The following EXOC6B variants were observed in gnomAD, a reference collection of about 807,000 sequenced individuals.
EXOC6B encodes SEC15 homolog B.
In EXOC6B, 54 loss-of-function variants were observed where a neutral mutation model predicts 113.5. The observed-to-expected ratio is 0.48, with a 90% CI of 0.38 to 0.60. The LOEUF is 0.60. EXOC6B is among the 20% of genes least tolerant of loss of function. EXOC6B has a pLI of 0.00. For missense variants in EXOC6B, 797 were observed against 977.5 expected (o/e 0.82, Z 2.46); for synonymous variants, 357 against 339.0 (o/e 1.05, Z -0.58).
At chr2:72,247,542 G>A (rs369458064) in intron 20 of EXOC6B, among the ~76,000 whole-genome samples, 91 of 152,302 alleles carry the variant, frequency 6.0e-4, no homozygotes, top group African/African-American at 2.0e-3. Context: ...AATATACTGT[G>A]ATGAACTGAT....
intron 6 of EXOC6B, among the ~76,000 whole-genome samples, chr2:72,610,760 C>A (rs1466710583): frequency 6.6e-6 from 1 of 152,034 alleles, no homozygotes; most frequent in African/African-American, 2.4e-5. Context: ...AAATTTAATA[C>A]CCTCCACCAC....
At chr2:72,426,983 G>A (rs766846051) in intron 18 of EXOC6B, among the ~76,000 whole-genome samples, 84 of 152,334 alleles carry the variant, frequency 5.5e-4, no homozygotes, top group Non-Finnish European at 1.1e-3. Context: ...GACGGGATGG[G>A]CTCCCAGGCC....
chr2:72,429,483 T>C (rs1558658477), intron 18 of EXOC6B, among the ~76,000 whole-genome samples: 1 of 152,218 alleles, frequency 6.6e-6, no homozygotes, highest in Non-Finnish European at 1.5e-5. Context: ...AGGTAAGACA[T>C]TAATGATAAT....
chr2:72,744,588 C>T (rs1681572321), intron 1 of EXOC6B, among the ~76,000 whole-genome samples: 2 of 152,038 alleles, frequency 1.3e-5, no homozygotes, highest in Non-Finnish European at 2.9e-5. Flanking sequence ...GAAGAATCAC[C>T]GAAAACTCCT....
intron 1 of EXOC6B, among the ~76,000 whole-genome samples, chr2:72,776,511 T>C (rs1405743233): frequency 3.3e-5 from 5 of 151,784 alleles, no homozygotes; most frequent in Non-Finnish European, 7.4e-5. Flanking sequence ...CAGCTACTCA[T>C]GAGGCTGAGA....
At chr2:72,282,437 T>G (rs746893692) in intron 20 of EXOC6B, among the ~76,000 whole-genome samples, 1 of 148,630 alleles carries the variant, frequency 6.7e-6, no homozygotes, top group Non-Finnish European at 1.5e-5. Flanking sequence ...AACAGGCTAA[T>G]AGAAAATAAA....
intron 21 of EXOC6B, 149 bp from the exon 22 acceptor site, chr2:72,179,610 A>C: frequency 1.1e-6 from 1 of 911,072 alleles, no homozygotes; most frequent in Non-Finnish European, 1.7e-6. Flanking sequence ...GCCCACACTC[A>C]CCTACTCATC....
intron 20 of EXOC6B, among the ~76,000 whole-genome samples, chr2:72,249,684 G>T (rs760437243): frequency 2.6e-5 from 4 of 152,020 alleles, no homozygotes; most frequent in Non-Finnish European, 5.9e-5. Flanking sequence ...AAGTCATATG[G>T]GTTGTTTATT....
Position 72,177,893 on chromosome 2 carries a change from G to C in EXOC6B, c.*1442C>G, listed in dbSNP as rs139135691. The stretch of plus-strand genomic sequence containing the variant: ...TACTCTTGCCACTAGCCATCTTTCT[G>C]CTACTAGCCAGTAGCATCTTTCTGA... On this transcript the variant is annotated 3_prime_UTR_variant, in exon 22 of 22. Coordinates refer to ENST00000272427, the MANE Select transcript of EXOC6B (RefSeq NM_015189.3). 9.9e-5 allele frequency: 15 copies of C among 152,276 alleles called. No individual in the cohort carries two copies. Among genetic ancestry groups the C allele is most frequent in the African/African-American group, 3.6e-4 (15 of 41,554 alleles). 9.4% of individuals were successfully genotyped at this position (152,276 alleles called of 1,614,324 possible).
intron 20 of EXOC6B, among the ~76,000 whole-genome samples, chr2:72,326,134 C>T (rs59095814): frequency 0.12 from 17,474 of 151,926 alleles, 1,074 homozygotes; most frequent in African/African-American, 0.16. Flanking sequence ...GTGCAGTTAA[C>T]GAAGATGAGA....
chr2:72,217,748 G>A (rs1680627814), intron 20 of EXOC6B, among the ~76,000 whole-genome samples: 1 of 152,170 alleles, frequency 6.6e-6, no homozygotes, highest in Non-Finnish European at 1.5e-5. Flanking sequence ...TCAAAGGACT[G>A]ATATCTGGCA....
At chr2:72,470,508 G>A (rs538045677) in intron 17 of EXOC6B, among the ~76,000 whole-genome samples, 19 of 152,032 alleles carry the variant, frequency 1.2e-4, no homozygotes, top group African/African-American at 4.3e-4. Context: ...AGGGTACATT[G>A]CACAACGCGC....
chr2:72,196,701 T>C (rs1236222027), intron 20 of EXOC6B, among the ~76,000 whole-genome samples: 1 of 152,214 alleles, frequency 6.6e-6, no homozygotes, highest in Non-Finnish European at 1.5e-5. Context: ...AAGTAAACAC[T>C]AGTTCCCAGG....
In EXOC6B at chr2:72,731,258, G is replaced by T; in HGVS notation, c.328-13C>A. On this transcript the variant is annotated splice_polypyrimidine_tract_variant and intron_variant, in intron 3 of 21. Transcript: ENST00000272427. ...TTGCTATTACCAGCTTGGCAAGAGGGAAAAAGACTGAATTATGCCTATGGC... is the reference window on the plus strand; with the variant it reads ...TTGCTATTACCAGCTTGGCAAGAGGTAAAAAGACTGAATTATGCCTATGGC... The T allele has an allele frequency of 1.3e-6, 2 of 1,592,812 alleles. No individual in the cohort carries two copies. Among genetic ancestry groups the T allele is most frequent in the Non-Finnish European group, 1.7e-6 (2 of 1,162,162 alleles).
chr2:72,307,481 C>T (rs886743944), intron 20 of EXOC6B, among the ~76,000 whole-genome samples: 3 of 152,038 alleles, frequency 2.0e-5, no homozygotes, highest in East Asian at 1.9e-4. Flanking sequence ...CATCTGGCCA[C>T]GCATGCCCTT....
At chr2:72,527,533 A>T (rs2105741536) in intron 8 of EXOC6B, among the ~76,000 whole-genome samples, 1 of 151,972 alleles carries the variant, frequency 6.6e-6, no homozygotes, top group East Asian at 1.9e-4. Flanking sequence ...TACTGCCTGA[A>T]ATCTACTTAT....
At chr2:72,765,975 C>T (rs1422188695) in intron 1 of EXOC6B, among the ~76,000 whole-genome samples, 3 of 152,156 alleles carry the variant, frequency 2.0e-5, no homozygotes, top group Non-Finnish European at 4.4e-5. Flanking sequence ...GGGAAGAATA[C>T]ATAGCACTGT....
At chr2:72,723,741 T>TAAAAAA (rs538661620) in intron 5 of EXOC6B, among the ~76,000 whole-genome samples, 2 of 108,426 alleles carry the variant, frequency 1.8e-5, no homozygotes, top group Non-Finnish European at 4.1e-5. Flanking sequence ...ATTTATAGCT[T>TAAAAAA]AAAAAAAAAA....
chr2:72,267,650 C>T (rs1279089304), intron 20 of EXOC6B, among the ~76,000 whole-genome samples: 12 of 152,230 alleles, frequency 7.9e-5, no homozygotes, highest in East Asian at 3.9e-4. Context: ...CTGCTGGATT[C>T]GGTCTGCCAG....
Sources: allele counts gnomAD v4.1 joint callset (sites outside exome capture counted in the v4.1 genomes callset), GRCh38; gene constraint gnomAD v4.1.1; transcripts MANE v1.5; gene names NCBI Gene and HGNC (gene_info 2026-07-23, HGNC 2026-07-21).